ST3GAL3: variants seen among roughly 807,000 people sequenced by gnomAD.
ST3GAL3 encodes the protein CMP-N-acetylneuraminate-beta-1,4-galactoside alpha-2,3-sialyltransferase.
In ST3GAL3, 21 loss-of-function variants were observed where a neutral mutation model predicts 50.1. The ratio of observed to expected loss-of-function variants is 0.42; its 90% CI spans 0.30 to 0.60. The LOEUF is 0.60. Among genes scored for constraint, ST3GAL3 ranks in the 20% least tolerant of loss-of-function variants. The probability of loss-of-function intolerance (pLI) is 0.19; values close to 1 mark genes in which losing one functional copy is unlikely to be tolerated. For missense variants in ST3GAL3, 353 were observed against 489.4 expected, an observed-to-expected ratio of 0.72 and a Z score of 2.63; for synonymous variants, 183 against 190.0, an observed-to-expected ratio of 0.96 and a Z score of 0.30.
At chr1:43,851,509 AC>A in intron 5 of ST3GAL3, 2 of 1,599,042 alleles carry the variant, frequency 1.3e-6, no homozygotes, top group South Asian at 1.1e-5. Context: ...TGGCCCGGGT[AC>A]CCCTCAGAGT....
chr1:43,748,217 G>A (rs761943425), intron 2 of ST3GAL3, among the ~76,000 whole-genome samples: 2 of 151,828 alleles, frequency 1.3e-5, no homozygotes, highest in Non-Finnish European at 2.9e-5. Flanking sequence ...TAGAAAATAA[G>A]ATTAAACAAC....
chr1:43,790,282 TGTTATGTACA>T (rs2057889993), intron 2 of ST3GAL3, among the ~76,000 whole-genome samples: 2 of 152,352 alleles, frequency 1.3e-5, no homozygotes, highest in Non-Finnish European at 2.9e-5. Flanking sequence ...TGGGAACAGA[TGTTATGTACA>T]GTTATGATAA....
At chr1:43,831,901 A>C (rs37452) in intron 4 of ST3GAL3, 84,625 of 152,108 alleles carry the variant, frequency 0.56, 26,811 homozygotes, top group Non-Finnish European at 0.72. Flanking sequence ...TCAGCCCCAT[A>C]TGCCTGGGTC....
Position 43,899,782 on chromosome 1 carries a change from C to T in ST3GAL3, c.744+55C>T. On this transcript the variant is annotated intron_variant, in intron 9 of 11. Coordinates refer to ENST00000347631, the MANE Select transcript of ST3GAL3 (RefSeq NM_006279.5). This position sits in a 1 kb window ranked among gnomAD's most constrained non-coding sequence, Gnocchi z 5.4. ...CTCTTGCCCTGGGCTTCCGCAACTC[C>T]TAAGCAATCCCGCCCCTTGAATGCA... is the stretch of plus-strand genomic sequence containing the variant. The T allele has an allele frequency of 6.6e-7, 1 of 1,512,006 alleles. No homozygotes were observed. The highest frequency in any genetic ancestry group is 1.7e-5 in the Admixed American group (1 of 59,192). 93.7% of individuals were successfully genotyped at this position (1,512,006 alleles called of 1,614,324 possible).
chr1:43,896,280 A>G (rs2077377622), intron 6 of ST3GAL3, among the ~76,000 whole-genome samples: 1 of 152,180 alleles, frequency 6.6e-6, no homozygotes, highest in Admixed American at 6.5e-5. Context: ...AGTCCTTAAC[A>G]TGACCTCTCG....
intron 5 of ST3GAL3, among the ~76,000 whole-genome samples, chr1:43,857,009 T>C (rs1174574011): frequency 1.3e-5 from 2 of 152,180 alleles, no homozygotes; most frequent in African/African-American, 2.4e-5. Flanking sequence ...AGGTGAATCC[T>C]GCAGACCTAG....
intron 5 of ST3GAL3, among the ~76,000 whole-genome samples, chr1:43,865,433 A>G (rs2071098332): frequency 6.6e-6 from 1 of 152,042 alleles, no homozygotes; most frequent in African/African-American, 2.4e-5. Flanking sequence ...TAGTCACCAA[A>G]CTTCTCAACT....
intron 2 of ST3GAL3, among the ~76,000 whole-genome samples, chr1:43,752,374 G>A (rs1558144377): frequency 6.6e-6 from 1 of 152,142 alleles, no homozygotes; most frequent in African/African-American, 2.4e-5. Flanking sequence ...TTAACTAAAG[G>A]TTTCCTGTCT....
At chr1:43,711,251 A>G (rs2154056573) in intron 1 of ST3GAL3, among the ~76,000 whole-genome samples, 1 of 152,370 alleles carries the variant, frequency 6.6e-6, no homozygotes, top group Non-Finnish European at 1.5e-5. Flanking sequence ...ACAGTTACTC[A>G]GGAACTGAGG....
At chr1:43,726,664 G>T (rs1170322474) in intron 1 of ST3GAL3, among the ~76,000 whole-genome samples, 2 of 152,158 alleles carry the variant, frequency 1.3e-5, no homozygotes, top group Non-Finnish European at 2.9e-5. Context: ...GCACGATCTT[G>T]GCTCACTGCA....
chr1:43,791,776 T>G (rs929459286), intron 2 of ST3GAL3, among the ~76,000 whole-genome samples: 1 of 152,184 alleles, frequency 6.6e-6, no homozygotes, highest in South Asian at 2.1e-4. Flanking sequence ...GAACTTTTAT[T>G]TTGCTTTGTT....
At chr1:43,790,299 A>T (rs773824398) in intron 2 of ST3GAL3, among the ~76,000 whole-genome samples, 18 of 152,300 alleles carry the variant, frequency 1.2e-4, no homozygotes, top group African/African-American at 4.1e-4. Context: ...TACAGTTATG[A>T]TAACTATTGT....
chr1:43,745,471 T>C (rs1244629039), intron 2 of ST3GAL3, among the ~76,000 whole-genome samples: 1 of 152,196 alleles, frequency 6.6e-6, no homozygotes, highest in Non-Finnish European at 1.5e-5. Flanking sequence ...GGATGAGTAT[T>C]GTTAGCTCTA....
Position 43,899,183 on chromosome 1 carries a change from C to T in ST3GAL3, c.477C>T (p.Arg159=). The T allele has an allele frequency of 6.2e-7, 1 of 1,614,210 alleles. No individual in the cohort carries two copies. The highest frequency in any genetic ancestry group is 8.5e-7 in the Non-Finnish European group (1 of 1,180,038). The change falls in exon 8 of 12, where the codon CGC becomes CGT. Residue 159 remains arginine, a synonymous_variant. Transcript: ENST00000347631. This position sits in a 1 kb window ranked among gnomAD's most constrained non-coding sequence, Gnocchi z 5.4. ...TPALDSLRCR[R]CIIVGNGGVL... ...CTCCCCTCAGCCTCCGCTGCCGCCGCTGCATCATCGTGGGCAATGGAGGCG... is the reference window on the plus strand; with the variant it reads ...CTCCCCTCAGCCTCCGCTGCCGCCGTTGCATCATCGTGGGCAATGGAGGCG...
intron 1 of ST3GAL3, among the ~76,000 whole-genome samples, chr1:43,728,450 T>C (rs1380883426): frequency 1.3e-5 from 2 of 151,474 alleles, no homozygotes. Flanking sequence ...AGCTAAAGAG[T>C]TATATGTTGG....
intron 2 of ST3GAL3, among the ~76,000 whole-genome samples, chr1:43,774,148 T>A (rs1316516077): frequency 6.6e-6 from 1 of 152,094 alleles, no homozygotes; most frequent in African/African-American, 2.4e-5. Flanking sequence ...AAAGACATAC[T>A]TGGGGGGGCA....
At chr1:43,793,574 A>C (rs1221056644) in intron 3 of ST3GAL3, among the ~76,000 whole-genome samples, 1 of 152,218 alleles carries the variant, frequency 6.6e-6, no homozygotes, top group Non-Finnish European at 1.5e-5. Context: ...TCTAGAGCCC[A>C]TCCTCTCTCC....
At chr1:43,831,517 A>G (rs2063545125) in intron 4 of ST3GAL3, 1 of 152,204 alleles carries the variant, frequency 6.6e-6, no homozygotes, top group South Asian at 2.1e-4. Flanking sequence ...TGTGTTTTCT[A>G]TTGTCAAATG....
chr1:43,716,486 A>T (rs924281592), intron 1 of ST3GAL3: 6 of 152,210 alleles, frequency 3.9e-5, no homozygotes, highest in African/African-American at 1.4e-4. Flanking sequence ...TTGGCAGCAC[A>T]TATACTAAAA....
Sources: gnomAD v4.1 joint callset for allele counts (sites outside exome capture counted in the v4.1 genomes callset) on GRCh38, gnomAD v4.1.1 for gene constraint, Gnocchi (gnomAD v3.1) non-coding constraint, MANE v1.5 for transcripts, NCBI Gene and HGNC (gene_info 2026-07-23, HGNC 2026-07-21) for gene names.